The following SNTG1 variants were observed in gnomAD, a reference collection of about 807,000 sequenced individuals.
SNTG1 encodes the protein syntrophin gamma 1.
Under a neutral mutation model 74.7 loss-of-function variants are expected in SNTG1, and 39 were observed. The ratio of observed to expected loss-of-function variants is 0.52; its 90% confidence interval spans 0.40 to 0.68. The LOEUF (loss-of-function observed/expected upper bound fraction) is 0.68, where lower values mean the gene tolerates loss of function less well. SNTG1 is among the 30% of genes least tolerant of loss of function. The probability of loss-of-function intolerance (pLI) is 0.00; values close to 1 mark genes in which losing one functional copy is unlikely to be tolerated. For synonymous variants in SNTG1, 254 were observed against 217.1 expected, an observed-to-expected ratio of 1.17 and a Z score of -1.49; for missense variants, 685 against 609.5, an observed-to-expected ratio of 1.12 and a Z score of -1.30.
At position 49,934,355 on chromosome 8, in the gene SNTG1, CCTAT is replaced by C. The variant is rs1418750284; in HGVS notation, c.-103+22129_-103+22132del. Among the ~76,000 whole-genome samples the C allele has an allele frequency of 1.1e-4, 17 of 151,816 alleles. No homozygotes were observed. In the South Asian group the frequency reaches 1.2e-3, roughly 11 times the overall value. On this transcript the variant is annotated intron_variant, in intron 1 of 18. Transcript: ENST00000642720. ...TCTATCTACTCAACCCACCTATCTA[CCTAT>C]CTATTTATCATATCATTTTTGTAAT...
At chr8:50,503,121 T>C (rs1432156184) in intron 9 of SNTG1, among the ~76,000 whole-genome samples, 1 of 152,210 alleles carries the variant, frequency 6.6e-6, no homozygotes, top group Non-Finnish European at 1.5e-5. Flanking sequence ...ATTATTTGTT[T>C]TAAAAATAGG....
intron 4 of SNTG1, among the ~76,000 whole-genome samples, chr8:50,411,618 A>G (rs931376503): frequency 2.0e-5 from 3 of 152,116 alleles, no homozygotes; most frequent in African/African-American, 7.2e-5. Flanking sequence ...CTTGAAACCT[A>G]GAGTGTCCCT....
intron 13 of SNTG1, among the ~76,000 whole-genome samples, chr8:50,608,906 G>C (rs1208496341): frequency 6.6e-6 from 1 of 151,838 alleles, no homozygotes; most frequent in Non-Finnish European, 1.5e-5. Context: ...AATCACATAT[G>C]CATCTTTAAG....
At chr8:50,088,455 A>T (rs1160699760) in intron 1 of SNTG1, among the ~76,000 whole-genome samples, 3 of 129,348 alleles carry the variant, frequency 2.3e-5, no homozygotes, top group African/African-American at 8.3e-5. Flanking sequence ...GGAAAAGAGG[A>T]AGTCAAATTG....
chr8:50,408,206 C>T (rs1275905135), intron 4 of SNTG1, among the ~76,000 whole-genome samples: 1 of 152,148 alleles, frequency 6.6e-6, no homozygotes, highest in Non-Finnish European at 1.5e-5. Flanking sequence ...CAGTTTCAGT[C>T]CCCAGTATGG....
chr8:50,123,267 C>T lies in SNTG1; in HGVS notation c.-102-49294C>T, dbSNP rs893722267. Among the ~76,000 whole-genome samples the T allele has an allele frequency of 1.4e-5, 2 of 142,792 alleles. 1 individual carries two copies. Among genetic ancestry groups the T allele is most frequent in the Non-Finnish European group, 3.1e-5 (2 of 63,972 alleles). 93.7% of individuals were successfully genotyped at this position (142,792 alleles called of 152,430 possible). The stretch of plus-strand genomic sequence containing the variant: ...TCAGTGCTCCAACACACAATTACAT[C>T]GGTGCATAAAAGCATAGATATTTAA... On this transcript the variant is annotated intron_variant, in intron 1 of 18. Transcript: ENST00000642720.
At position 50,553,141 on chromosome 8, in the gene SNTG1, G is replaced by A; in HGVS notation, c.772G>A (p.Ala258Thr). 6.2e-7 allele frequency: 1 copy of A among 1,613,880 alleles called. No homozygotes were observed. The highest frequency in any genetic ancestry group is 1.3e-5 in the African/African-American group (1 of 75,042). Residue 258 changes from alanine to threonine, a missense_variant, in exon 12 of 19, where the codon GCA becomes ACA. Ala to Thr is a moderately conservative substitution (Grantham distance 58). Coordinates refer to ENST00000642720, the MANE Select transcript of SNTG1 (RefSeq NM_018967.5). ...TGAAGACTGCGTTGACTGGCTACAA[G>A]CAATAGCAACTAACATTTCAAATCT... ...SAEDCVDWLQ[A>T]IATNISNLTK...
intron 18 of SNTG1, among the ~76,000 whole-genome samples, chr8:50,754,098 A>T (rs1225827819): frequency 6.6e-6 from 1 of 151,946 alleles, no homozygotes; most frequent in Non-Finnish European, 1.5e-5. Flanking sequence ...AACCTCTATA[A>T]CCATGACTTG....
intron 13 of SNTG1, among the ~76,000 whole-genome samples, chr8:50,605,571 A>G (rs56039709): frequency 0.015 from 2,247 of 151,440 alleles, 19 homozygotes; most frequent in Non-Finnish European, 0.023. Flanking sequence ...GTCTTCCCCC[A>G]AGTGCACAGA....
chr8:49,938,606 T>TCTTTTTTTTCTTTTCTTTCTTG (rs1808371740), intron 1 of SNTG1, among the ~76,000 whole-genome samples: 1 of 101,766 alleles, frequency 9.8e-6, no homozygotes, highest in African/African-American at 4.4e-5. Flanking sequence ...TCTTTTCTTT[T>TCTTTTTTTTCTTTTCTTTCTTG]CTTTCTTTCT....
At chr8:50,788,229 G>A (rs6473379) in intron 18 of SNTG1, among the ~76,000 whole-genome samples, 14,012 of 152,068 alleles carry the variant, frequency 0.092, 1,899 homozygotes, top group African/African-American at 0.3. Flanking sequence ...GACAATCACA[G>A]TAGAAATGAA....
At chr8:49,992,297 T>A (rs1356452850) in intron 1 of SNTG1, among the ~76,000 whole-genome samples, 1 of 152,208 alleles carries the variant, frequency 6.6e-6, no homozygotes, top group Non-Finnish European at 1.5e-5. Context: ...AAGAGAGTTG[T>A]GAATAAGCAA....
intron 1 of SNTG1, among the ~76,000 whole-genome samples, chr8:49,932,878 C>T (rs956629585): frequency 6.6e-6 from 1 of 152,158 alleles, no homozygotes; most frequent in Admixed American, 6.6e-5. Context: ...AATCTGTGGT[C>T]TTATGTGATT....
At chr8:50,518,976 C>T (rs1285296130) in intron 9 of SNTG1, among the ~76,000 whole-genome samples, 1 of 152,030 alleles carries the variant, frequency 6.6e-6, no homozygotes. Flanking sequence ...CATCCTAATA[C>T]TAAAACCTGG....
chr8:50,476,376 G>A (rs778532344), intron 8 of SNTG1, among the ~76,000 whole-genome samples: 4 of 152,094 alleles, frequency 2.6e-5, no homozygotes, highest in Non-Finnish European at 5.9e-5. Context: ...TTTGAATAAC[G>A]GAGGACTACT....
At chr8:49,976,765 C>A (rs1812230312) in intron 1 of SNTG1, among the ~76,000 whole-genome samples, 1 of 152,114 alleles carries the variant, frequency 6.6e-6, no homozygotes, top group African/African-American at 2.4e-5. Flanking sequence ...CCTGATCATG[C>A]AGGATACTGT....
At chr8:50,225,519 G>A (rs2085286742) in intron 2 of SNTG1, among the ~76,000 whole-genome samples, 1 of 152,140 alleles carries the variant, frequency 6.6e-6, no homozygotes, top group Non-Finnish European at 1.5e-5. Flanking sequence ...CATCTTACAT[G>A]TATTGATTGG....
rs1350190170 is a variant in SNTG1, at chr8:50,071,814, C to T, written c.-102-100747C>T. Reference sequence around the variant, plus strand: ...TATTTTGATAGAGAACATACTAGTACTAAAAAAAAAAAAACCTAAGATTAA... The same window carrying T: ...TATTTTGATAGAGAACATACTAGTATTAAAAAAAAAAAAACCTAAGATTAA... On this transcript the variant is annotated intron_variant, in intron 1 of 18. Transcript: ENST00000642720. Among the ~76,000 whole-genome samples the T allele has an allele frequency of 2.3e-4, 11 of 48,458 alleles. No homozygotes were observed. The Admixed American group carries it at 3.0e-3, about 13-fold the overall frequency. The allele number at this position is 48,458 out of a possible 152,430, so 31.8% of individuals were successfully genotyped here.
chr8:50,468,888 T>C (rs2093629812), intron 8 of SNTG1, among the ~76,000 whole-genome samples: 2 of 152,320 alleles, frequency 1.3e-5, no homozygotes, highest in East Asian at 1.9e-4. Flanking sequence ...TCATGTGTAG[T>C]GCAGGTACCT....
Sources: allele counts gnomAD v4.1 joint callset (sites outside exome capture counted in the v4.1 genomes callset), GRCh38; gene constraint gnomAD v4.1.1; transcripts MANE v1.5; gene names NCBI Gene and HGNC (gene_info 2026-07-23, HGNC 2026-07-21).